STAC: variants seen among roughly 807,000 people sequenced by gnomAD.
STAC encodes the protein SH3 and cysteine rich domain.
A neutral mutation model predicts 48.8 loss-of-function variants in STAC; 43 were observed. The ratio of observed to expected loss-of-function variants is 0.88; its 90% CI spans 0.69 to 1.14. The LOEUF is 1.14. STAC is among the 50% of genes most tolerant of loss of function. STAC has a pLI of 0.00. For synonymous variants in STAC, 193 were observed against 179.5 expected (o/e 1.07, Z -0.60); for missense variants, 497 against 504.0 (o/e 0.99, Z 0.13).
chr3:36,424,279 T>C (rs1452622297), intron 1 of STAC, among the ~76,000 whole-genome samples: 2 of 152,036 alleles, frequency 1.3e-5, no homozygotes, highest in African/African-American at 2.4e-5. Context: ...AAAACTGTTC[T>C]CTCTTCCTCT....
At chr3:36,532,940 T>C (rs1174272579) in intron 10 of STAC, among the ~76,000 whole-genome samples, 1 of 152,220 alleles carries the variant, frequency 6.6e-6, no homozygotes, top group Non-Finnish European at 1.5e-5. Context: ...GTGAATTTTA[T>C]GGATTCATTA....
chr3:36,401,879 G>A (rs543192046), intron 1 of STAC, among the ~76,000 whole-genome samples: 1 of 152,296 alleles, frequency 6.6e-6, no homozygotes, highest in African/African-American at 2.4e-5. Context: ...CAGTTTGGCA[G>A]AACAAGAGAA....
chr3:36,478,307 T>G (rs1171907908), intron 2 of STAC, among the ~76,000 whole-genome samples: 2 of 152,234 alleles, frequency 1.3e-5, no homozygotes, highest in African/African-American at 4.8e-5. Flanking sequence ...GTGACTATTG[T>G]TAACTTCTGA....
At chr3:36,396,418 G>A (rs13322991) in intron 1 of STAC, among the ~76,000 whole-genome samples, 3,007 of 152,156 alleles carry the variant, frequency 0.02, 101 homozygotes, top group African/African-American at 0.068. Flanking sequence ...AAAAATGCTA[G>A]GGATAATTTT....
chr3:36,494,013 G>A (rs185982671), intron 6 of STAC, among the ~76,000 whole-genome samples: 16,558 of 151,220 alleles, frequency 0.11, 1,120 homozygotes, highest in East Asian at 0.3. Context: ...TTAGCCGGGC[G>A]TGATGGTGGG....
chr3:36,505,200 T>A (rs1288138044), intron 7 of STAC, among the ~76,000 whole-genome samples: 2 of 152,162 alleles, frequency 1.3e-5, no homozygotes, highest in Non-Finnish European at 2.9e-5. Context: ...ATTGCAAGGT[T>A]TCATTGCCAA....
intron 8 of STAC, among the ~76,000 whole-genome samples, chr3:36,522,376 C>A (rs1698827765): frequency 6.6e-6 from 1 of 152,156 alleles, no homozygotes; most frequent in African/African-American, 2.4e-5. Context: ...TAACAGCCAC[C>A]ATCTAATGGG....
intron 10 of STAC, among the ~76,000 whole-genome samples, chr3:36,537,976 A>T (rs1699238500): frequency 2.0e-5 from 3 of 152,046 alleles, no homozygotes; most frequent in African/African-American, 4.8e-5. Flanking sequence ...AAAATATTTT[A>T]TATTACAAAA....
At chr3:36,478,699 G>GCTGGT in intron 2 of STAC, among the ~76,000 whole-genome samples, 1 of 152,148 alleles carries the variant, frequency 6.6e-6, no homozygotes, top group East Asian at 1.9e-4. Flanking sequence ...TTTTGGCCAG[G>GCTGGT]CTGGTTTCAA....
chr3:36,437,931 G>GTTATTTATTATTA lies in STAC; in HGVS notation c.112-5428_112-5427insTATTATTATTATT, dbSNP rs1362673521. Among the ~76,000 whole-genome samples, 1,057 of 140,562 alleles carry GTTATTTATTATTA rather than the reference G, an allele frequency of 7.5e-3. 8 individuals are homozygous for GTTATTTATTATTA. Among genetic ancestry groups the GTTATTTATTATTA allele is most frequent in the Non-Finnish European group, 0.012 (798 of 65,424 alleles). The allele number at this position is 140,562 out of a possible 152,430, so 92.2% of individuals were successfully genotyped here. On this transcript the variant is annotated intron_variant, in intron 1 of 10. Transcript: ENST00000273183. ...GAGCAGTACCCATGATATTCATTGA[G>GTTATTTATTATTA]TTATTATTATTATTATTATTATTAT...
At chr3:36,415,882 T>C (rs1298546783) in intron 1 of STAC, among the ~76,000 whole-genome samples, 1 of 152,212 alleles carries the variant, frequency 6.6e-6, no homozygotes, top group Non-Finnish European at 1.5e-5. Flanking sequence ...TGTTTCGGAG[T>C]TCTATGTTTA....
At chr3:36,411,432 T>G (rs1575181670) in intron 1 of STAC, among the ~76,000 whole-genome samples, 1 of 152,180 alleles carries the variant, frequency 6.6e-6, no homozygotes, top group South Asian at 2.1e-4. Context: ...TCTGCTCCAG[T>G]CATTGAAGCT....
intron 8 of STAC, among the ~76,000 whole-genome samples, chr3:36,511,584 A>G (rs908020613): frequency 1.3e-5 from 2 of 152,180 alleles, no homozygotes; most frequent in African/African-American, 4.8e-5. Flanking sequence ...AGCACTCAAA[A>G]CTATTTAATT....
intron 1 of STAC, among the ~76,000 whole-genome samples, chr3:36,397,120 T>C (rs969978954): frequency 1.3e-5 from 2 of 152,208 alleles, no homozygotes; most frequent in Non-Finnish European, 2.9e-5. Context: ...TTTTTGTTTT[T>C]TATTTAGTGA....
intron 1 of STAC, among the ~76,000 whole-genome samples, chr3:36,415,044 G>C (rs1700287357): frequency 6.6e-6 from 1 of 152,164 alleles, no homozygotes; most frequent in Non-Finnish European, 1.5e-5. Context: ...CATCTCACAG[G>C]GGTGCCCAGC....
chr3:36,487,435 A>G (rs941261954), intron 5 of STAC, among the ~76,000 whole-genome samples: 1 of 152,302 alleles, frequency 6.6e-6, no homozygotes. Flanking sequence ...ACTAAAAATA[A>G]TTTTTACTCT....
At position 36,541,180 on chromosome 3, in the gene STAC, A is replaced by AG. The variant is rs1210099916; in HGVS notation, c.1111-5010dup. Among the ~76,000 whole-genome samples the AG allele has an allele frequency of 3.3e-5, 5 of 151,392 alleles. No individual in the cohort carries two copies. In the South Asian group the frequency reaches 8.3e-4, roughly 25 times the overall value. On this transcript the variant is annotated intron_variant, in intron 10 of 10. Transcript: ENST00000273183. The stretch of plus-strand genomic sequence containing the variant: ...AAGGCATCTCTTTTAATAGGGGGGA[A>AG]GAAAAAAAAAACTTTCCCAGAGTTT...
chr3:36,460,637 C>G (rs1033672078), intron 2 of STAC, among the ~76,000 whole-genome samples: 1 of 148,884 alleles, frequency 6.7e-6, no homozygotes, highest in Admixed American at 6.7e-5. Context: ...GGCAGCCCTG[C>G]ACACATACAC....
At chr3:36,498,703 T>C (rs1202259248) in intron 6 of STAC, among the ~76,000 whole-genome samples, 2 of 151,928 alleles carry the variant, frequency 1.3e-5, no homozygotes, top group Non-Finnish European at 2.9e-5. Context: ...CAGTGAGCCA[T>C]GATTATGCCA....
Sources: allele counts gnomAD v4.1 joint callset (sites outside exome capture counted in the v4.1 genomes callset), GRCh38; gene constraint gnomAD v4.1.1; transcripts MANE v1.5; gene names NCBI Gene and HGNC (gene_info 2026-07-23, HGNC 2026-07-21).